ERBB4: variants seen among roughly 807,000 people sequenced by gnomAD.
ERBB4 encodes the protein receptor tyrosine-protein kinase erbB-4.
Under a neutral mutation model 158.0 loss-of-function variants are expected in ERBB4, and 42 were observed. The ratio of observed to expected loss-of-function variants is 0.27; its 90% confidence interval spans 0.21 to 0.34. The LOEUF (loss-of-function observed/expected upper bound fraction) is 0.34, where lower values mean the gene tolerates loss of function less well. Ranked by LOEUF, ERBB4 falls within the 10% of genes least tolerant of loss-of-function variation. The probability of loss-of-function intolerance (pLI) is 1.00; values close to 1 mark genes in which losing one functional copy is unlikely to be tolerated. For missense variants in ERBB4, 1,333 were observed against 1,624.1 expected, an observed-to-expected ratio of 0.82 and a Z score of 3.08; for synonymous variants, 583 against 558.7, an observed-to-expected ratio of 1.04 and a Z score of -0.61.
chr2:211,511,823 C>T (rs1014687972), intron 20 of ERBB4, among the ~76,000 whole-genome samples: 16 of 151,946 alleles, frequency 1.1e-4, no homozygotes, highest in African/African-American at 3.4e-4. Context: ...TTCCCCTACG[C>T]CATTGTTTTG....
At chr2:211,638,715 A>C (rs2125889292) in intron 16 of ERBB4, among the ~76,000 whole-genome samples, 1 of 152,302 alleles carries the variant, frequency 6.6e-6, no homozygotes, top group Non-Finnish European at 1.5e-5. Context: ...ATTCGATAAC[A>C]CAGTGTTGCA....
At chr2:211,995,588 T>A (rs1050446187) in intron 2 of ERBB4, among the ~76,000 whole-genome samples, 2 of 152,080 alleles carry the variant, frequency 1.3e-5, no homozygotes, top group Admixed American at 1.3e-4. Flanking sequence ...TGATTTTTTA[T>A]CCTTCTATAT....
chr2:211,836,922 T>C (rs940008899), intron 3 of ERBB4, among the ~76,000 whole-genome samples: 3 of 152,002 alleles, frequency 2.0e-5, no homozygotes, highest in Non-Finnish European at 4.4e-5. Context: ...GCCAAATAGT[T>C]AAGTACAGTA....
intron 20 of ERBB4, among the ~76,000 whole-genome samples, chr2:211,460,193 T>C (rs2125499863): frequency 6.6e-6 from 1 of 152,252 alleles, no homozygotes; most frequent in East Asian, 1.9e-4. Flanking sequence ...CCAGTAAAAA[T>C]GAATATTATA....
intron 3 of ERBB4, among the ~76,000 whole-genome samples, chr2:211,801,962 A>C (rs1036981946): frequency 6.6e-6 from 1 of 152,192 alleles, no homozygotes; most frequent in African/African-American, 2.4e-5. Flanking sequence ...TCAGATTAGC[A>C]TAAAACTGGA....
chr2:212,019,545 C>A (rs1393946313), intron 2 of ERBB4, among the ~76,000 whole-genome samples: 1 of 151,700 alleles, frequency 6.6e-6, no homozygotes, highest in Non-Finnish European at 1.5e-5. Context: ...GGCAGATTGC[C>A]TGAGCTCAGG....
intron 12 of ERBB4, among the ~76,000 whole-genome samples, chr2:211,693,193 G>A (rs2072885250): frequency 1.3e-5 from 2 of 151,962 alleles, no homozygotes; most frequent in African/African-American, 4.8e-5. Flanking sequence ...TTAGAAAACT[G>A]AGCACAATAT....
chr2:211,400,412 T>A (rs979250236), intron 25 of ERBB4, among the ~76,000 whole-genome samples: 1 of 152,168 alleles, frequency 6.6e-6, no homozygotes, highest in African/African-American at 2.4e-5. Context: ...ATACACTTTT[T>A]ATATACCACA....
At chr2:211,960,537 C>T (rs1348481803) in intron 2 of ERBB4, 2 of 152,020 alleles carry the variant, frequency 1.3e-5, no homozygotes, top group East Asian at 1.9e-4. Context: ...AAGGTAGTGC[C>T]TTAGTCTGTT....
intron 20 of ERBB4, among the ~76,000 whole-genome samples, chr2:211,470,369 A>T (rs1490879754): frequency 6.6e-6 from 1 of 152,122 alleles, no homozygotes; most frequent in African/African-American, 2.4e-5. Context: ...GACTTCCTAC[A>T]TAATTAGAAC....
At chr2:211,685,559 T>C (rs1280434610) in intron 12 of ERBB4, among the ~76,000 whole-genome samples, 1 of 152,206 alleles carries the variant, frequency 6.6e-6, no homozygotes, top group South Asian at 2.1e-4. Flanking sequence ...GACTGAATAT[T>C]CCCATTTCAT....
chr2:212,159,004 A>G (rs1484638759), intron 1 of ERBB4, among the ~76,000 whole-genome samples: 1 of 152,052 alleles, frequency 6.6e-6, no homozygotes, highest in Non-Finnish European at 1.5e-5. Context: ...TAAAGAGTCT[A>G]CATGATGAGT....
intron 14 of ERBB4, among the ~76,000 whole-genome samples, chr2:211,668,565 T>C (rs1024744037): frequency 6.6e-6 from 1 of 152,136 alleles, no homozygotes; most frequent in African/African-American, 2.4e-5. Flanking sequence ...AACTAAAGGA[T>C]AGGCTGAATC....
intron 3 of ERBB4, among the ~76,000 whole-genome samples, chr2:211,898,671 G>A (rs915620952): frequency 6.6e-6 from 1 of 152,056 alleles, no homozygotes; most frequent in African/African-American, 2.4e-5. Context: ...AATTCTAAGA[G>A]CAAACAGCTA....
chr2:212,010,640 G>A (rs535091455), intron 2 of ERBB4, among the ~76,000 whole-genome samples: 1 of 152,232 alleles, frequency 6.6e-6, no homozygotes, highest in South Asian at 2.1e-4. Context: ...TGCACGTATT[G>A]TCTTAATAAA....
chr2:211,712,226 C>T (rs747640239), intron 8 of ERBB4, 50 bp from the exon 9 acceptor site: 3 of 1,587,720 alleles, frequency 1.9e-6, no homozygotes, highest in Non-Finnish European at 2.6e-6. Context: ...TATTTTTGGC[C>T]AATAAATCAT....
intron 2 of ERBB4, among the ~76,000 whole-genome samples, chr2:212,113,861 G>A (rs536751901): frequency 6.6e-6 from 1 of 152,074 alleles, no homozygotes; most frequent in African/African-American, 2.4e-5. Flanking sequence ...TAAGATGAAA[G>A]GTACTACAGA....
At chr2:212,187,299 CA>C (rs2082042506) in intron 1 of ERBB4, among the ~76,000 whole-genome samples, 1 of 152,112 alleles carries the variant, frequency 6.6e-6, no homozygotes, top group Non-Finnish European at 1.5e-5. Context: ...TTTAAGATTT[CA>C]ACCAGAAAAT....
At chr2:212,443,257 T>C (rs1007704671) in intron 1 of ERBB4, among the ~76,000 whole-genome samples, 19 of 152,370 alleles carry the variant, frequency 1.2e-4, no homozygotes, top group African/African-American at 3.8e-4. Flanking sequence ...CCACAAGATA[T>C]CATATTGGTC....
Sources: allele counts gnomAD v4.1 joint callset (sites outside exome capture counted in the v4.1 genomes callset), GRCh38; gene constraint gnomAD v4.1.1; transcripts MANE v1.5; gene names NCBI Gene and HGNC (gene_info 2026-07-23, HGNC 2026-07-21).